THSD7A: variants seen among roughly 807,000 people sequenced by gnomAD.
The protein encoded by THSD7A is thrombospondin type 1 domain containing 7A.
A neutral mutation model predicts 231.3 loss-of-function variants in THSD7A; 96 were observed. The observed-to-expected ratio is 0.41, with a 90% CI of 0.35 to 0.49. The LOEUF (loss-of-function observed/expected upper bound fraction) is 0.49, where lower values mean the gene tolerates loss of function less well. THSD7A is among the 20% of genes least tolerant of loss of function. The probability of loss-of-function intolerance (pLI) is 0.05; values close to 1 mark genes in which losing one functional copy is unlikely to be tolerated. For synonymous variants in THSD7A, 940 were observed against 743.3 expected (o/e 1.26, Z -4.30); for missense variants, 2,290 against 2,070.2 (o/e 1.11, Z -2.06).
chr7:11,606,719 A>G (rs1780746093), intron 2 of THSD7A, among the ~76,000 whole-genome samples: 1 of 152,126 alleles, frequency 6.6e-6, no homozygotes, highest in Admixed American at 6.6e-5. Context: ...AAATTTCCCC[A>G]ATATTTGTAA....
chr7:11,394,485 G>A (rs553400233), intron 23 of THSD7A, among the ~76,000 whole-genome samples: 22 of 152,270 alleles, frequency 1.4e-4, no homozygotes, highest in African/African-American at 2.2e-4. Flanking sequence ...CTGGCTTTGC[G>A]GGAGAATAGC....
chr7:11,790,199 C>T (rs151121495), intron 1 of THSD7A, among the ~76,000 whole-genome samples: 1 of 151,808 alleles, frequency 6.6e-6, no homozygotes, highest in Non-Finnish European at 1.5e-5. Context: ...TCAGCTAATG[C>T]TATATTGTTC....
intron 1 of THSD7A, among the ~76,000 whole-genome samples, chr7:11,758,721 T>C (rs1337785749): frequency 6.6e-6 from 1 of 152,098 alleles, no homozygotes; most frequent in Non-Finnish European, 1.5e-5. Context: ...GCCACAATCC[T>C]ATCTTTAAAG....
chr7:11,407,205 C>T (rs1434538045), intron 20 of THSD7A, 101 bp downstream of exon 20: 13 of 1,437,136 alleles, frequency 9.0e-6, no homozygotes, highest in Non-Finnish European at 1.1e-5. Context: ...ACAACCAATC[C>T]AACCTTTCTG....
At chr7:11,527,205 G>T (rs916340693) in intron 6 of THSD7A, among the ~76,000 whole-genome samples, 1 of 152,084 alleles carries the variant, frequency 6.6e-6, no homozygotes, top group African/African-American at 2.4e-5. Flanking sequence ...ATTGTATATA[G>T]TTCTGAATCA....
chr7:11,488,080 C>A (rs929724601), intron 6 of THSD7A, among the ~76,000 whole-genome samples: 1 of 152,080 alleles, frequency 6.6e-6, no homozygotes, highest in African/African-American at 2.4e-5. Flanking sequence ...CAGAGAGGGA[C>A]CAGACACAGA....
At position 11,636,855 on chromosome 7, in the gene THSD7A, A is replaced by G. The variant is rs1781882513; in HGVS notation, c.297T>C (p.Cys99=). The G allele has an allele frequency of 6.2e-7, 1 of 1,613,940 alleles. No individual in the cohort carries two copies. The highest frequency in any genetic ancestry group is 8.5e-7 in the Non-Finnish European group (1 of 1,179,882). ...GGTTATTGGGTCTCTCGGCCTGCTT[A>G]CAGTTAGTATGCAGTGTAGTCCATC... ...VEGWTTLHTN[C]KQAERPNNQQ... is the part of the protein sequence containing the mutation. The change falls in exon 2 of 28, where the codon TGT becomes TGC. Residue 99 remains cysteine (C), a synonymous_variant. Transcript: ENST00000423059. The surrounding 1 kb of genome is among the most constrained non-coding windows in gnomAD (Gnocchi z 10.0).
Position 11,630,635 on chromosome 7 carries a change from A to G in THSD7A, c.1022+5495T>C, listed in dbSNP as rs150051511. On this transcript the variant is annotated intron_variant, in intron 2 of 27. Coordinates refer to ENST00000423059, the MANE Select transcript of THSD7A (RefSeq NM_015204.3). ...CTAAATCTGTCTTATTCCCTCAGGA[A>G]TTCACTGGGCTGAATTTCCCACACT... 8.0e-3 allele frequency among the ~76,000 whole-genome samples: 1,223 copies of G among 152,306 alleles called. 47 individuals carry two copies. The highest frequency in any genetic ancestry group is 0.068 in the Admixed American group (1,034 of 15,302).
chr7:11,639,833 A>C (rs1395266927), intron 1 of THSD7A, among the ~76,000 whole-genome samples: 1 of 152,156 alleles, frequency 6.6e-6, no homozygotes, highest in Non-Finnish European at 1.5e-5. Flanking sequence ...TTTTTCCCTA[A>C]AACAACTATG....
intron 1 of THSD7A, among the ~76,000 whole-genome samples, chr7:11,757,610 C>A (rs1782727279): frequency 6.6e-6 from 1 of 151,816 alleles, no homozygotes; most frequent in Admixed American, 6.6e-5. Flanking sequence ...TAAATAACTA[C>A]CATATAAAAC....
intron 6 of THSD7A, among the ~76,000 whole-genome samples, chr7:11,507,438 T>C (rs1362348982): frequency 6.6e-6 from 1 of 152,160 alleles, no homozygotes. Flanking sequence ...CCGAATACTA[T>C]GCTGAATCCA....
intron 1 of THSD7A, among the ~76,000 whole-genome samples, chr7:11,776,640 T>C (rs115423467): frequency 0.027 from 4,044 of 152,300 alleles, 182 homozygotes; most frequent in African/African-American, 0.092. Flanking sequence ...TTGTCATTAA[T>C]TCTTTATACC....
chr7:11,594,177 C>T (rs1780274562), intron 2 of THSD7A, among the ~76,000 whole-genome samples: 1 of 152,196 alleles, frequency 6.6e-6, no homozygotes, highest in African/African-American at 2.4e-5. Flanking sequence ...CATCAGACTC[C>T]AAGTTCTTCA....
intron 6 of THSD7A, among the ~76,000 whole-genome samples, chr7:11,523,544 T>G (rs1427595691): frequency 6.6e-6 from 1 of 151,976 alleles, no homozygotes; most frequent in African/African-American, 2.4e-5. Context: ...GACAAAAAAT[T>G]ACAAAAAACA....
intron 19 of THSD7A, among the ~76,000 whole-genome samples, chr7:11,408,491 C>T (rs969540502): frequency 6.4e-5 from 9 of 140,842 alleles, no homozygotes; most frequent in Admixed American, 5.2e-4. Flanking sequence ...GAGCAAGACT[C>T]TGTCTCCAAA....
intron 6 of THSD7A, among the ~76,000 whole-genome samples, chr7:11,484,553 T>C (rs1786566895): frequency 6.6e-6 from 1 of 152,202 alleles, no homozygotes; most frequent in Admixed American, 6.6e-5. Flanking sequence ...AATATGTTTA[T>C]TGTCTGACTA....
At chr7:11,617,749 G>A (rs1165826747) in intron 2 of THSD7A, among the ~76,000 whole-genome samples, 1 of 152,060 alleles carries the variant, frequency 6.6e-6, no homozygotes, top group Non-Finnish European at 1.5e-5. Context: ...ATCATTCTGA[G>A]CAATCTATCA....
In THSD7A at chr7:11,446,145, A is replaced by G; in HGVS notation, c.2980T>C (p.Cys994Arg). 6.2e-7 allele frequency: 1 copy of G among 1,613,532 alleles called. No individual in the cohort carries two copies. Among genetic ancestry groups the G allele is most frequent in the Non-Finnish European group, 8.5e-7 (1 of 1,179,662 alleles). Reference sequence around the variant, plus strand: ...GCTTGGTAACGATATCCTTGTCCGCATTCCTTGATGTCTCCTTGTACTTTC... The same window carrying G: ...GCTTGGTAACGATATCCTTGTCCGCGTTCCTTGATGTCTCCTTGTACTTTC... ...GMKVQGDIKECGQGYRYQAMA... is the reference protein window; with the variant it reads ...GMKVQGDIKERGQGYRYQAMA... Residue 994 changes from cysteine (C) to arginine (R), a missense_variant, in exon 13 of 28, where the codon TGC becomes CGC. Physicochemically the swap from Cys to Arg is radical, Grantham distance 180 (BLOSUM62 -3). Transcript: ENST00000423059. This position sits in a 1 kb window ranked among gnomAD's most constrained non-coding sequence, Gnocchi z 4.0.
intron 1 of THSD7A, among the ~76,000 whole-genome samples, chr7:11,774,754 T>C (rs1056179015): frequency 1.3e-5 from 2 of 152,188 alleles, no homozygotes; most frequent in Non-Finnish European, 2.9e-5. Flanking sequence ...ATATGTAGCC[T>C]AAGAAACTAA....
Sources: allele counts gnomAD v4.1 joint callset (sites outside exome capture counted in the v4.1 genomes callset), GRCh38; gene constraint gnomAD v4.1.1; non-coding constraint Gnocchi (gnomAD v3.1); transcripts MANE v1.5; gene names NCBI Gene and HGNC (gene_info 2026-07-23, HGNC 2026-07-21).